The following ACTN1 variants were observed in gnomAD, a reference collection of about 807,000 sequenced individuals.
ACTN1 encodes the protein actinin alpha 1.
A neutral mutation model predicts 119.6 loss-of-function variants in ACTN1; 30 were observed. The ratio of observed to expected loss-of-function variants is 0.25; its 90% CI spans 0.19 to 0.34. The LOEUF (loss-of-function observed/expected upper bound fraction) is 0.34, where lower values mean the gene tolerates loss of function less well. Ranked by LOEUF, ACTN1 falls within the 10% of genes least tolerant of loss-of-function variation. The pLI, the probability that ACTN1 is intolerant of heterozygous loss-of-function variation, is 1.00. For missense variants in ACTN1, 764 were observed against 1,223.4 expected (o/e 0.62, Z 5.60); for synonymous variants, 429 against 472.6 (o/e 0.91, Z 1.20).
Position 68,885,019 on chromosome 14 carries a change from G to A in ACTN1, c.1386-136C>T. ...GGCGCTCCCTTCAAGAGACCTTCCAGGCACTCCTTCCACCCCTCCCCTCTT... is the reference window on the plus strand; with the variant it reads ...GGCGCTCCCTTCAAGAGACCTTCCAAGCACTCCTTCCACCCCTCCCCTCTT... On this transcript the variant is annotated intron_variant, in intron 12 of 21. Coordinates refer to ENST00000394419, the MANE Select transcript of ACTN1 (RefSeq NM_001130004.2). This position sits in a 1 kb window ranked among gnomAD's most constrained non-coding sequence, Gnocchi z 5.6. 4.4e-6 allele frequency: 3 copies of A among 688,196 alleles called. No individual in the cohort carries two copies. The highest frequency in any genetic ancestry group is 3.6e-5 in the South Asian group (2 of 55,966). The allele number at this position is 688,196 out of a possible 1,614,324, so 42.6% of individuals were successfully genotyped here. A position where few individuals can be genotyped will look rare whatever the true frequency, so the allele number is the denominator to read the frequency against.
At chr14:68,894,917 T>C (rs2032763201) in intron 8 of ACTN1, among the ~76,000 whole-genome samples, 1 of 152,088 alleles carries the variant, frequency 6.6e-6, no homozygotes, top group Non-Finnish European at 1.5e-5. Flanking sequence ...GTGCTTAGAA[T>C]TGGAAGGAAT....
chr14:68,965,795 C>T (rs908938936), intron 1 of ACTN1, among the ~76,000 whole-genome samples: 1 of 152,204 alleles, frequency 6.6e-6, no homozygotes, highest in Non-Finnish European at 1.5e-5. Context: ...TTGCATCCTC[C>T]CTAGAGGGTG....
intron 1 of ACTN1, among the ~76,000 whole-genome samples, chr14:68,951,055 G>A (rs2036147042): frequency 6.6e-6 from 1 of 152,166 alleles, no homozygotes; most frequent in African/African-American, 2.4e-5. Context: ...AAGAAGCGAC[G>A]AAGGCAGACG....
chr14:68,960,292 C>G (rs775672909), intron 1 of ACTN1, among the ~76,000 whole-genome samples: 1 of 152,040 alleles, frequency 6.6e-6, no homozygotes, highest in Admixed American at 6.6e-5. Context: ...GTTCAAGGGT[C>G]GGTTGTATAT....
In ACTN1 at chr14:68,964,958, A is replaced by G. The variant is rs1300043465; in HGVS notation, c.105+13994T>C. Among the ~76,000 whole-genome samples, 7 of 152,268 alleles carry G rather than the reference A, an allele frequency of 4.6e-5. No homozygotes were observed. The Middle Eastern group carries it at 0.01, about 222-fold the overall frequency. Reference sequence around the variant, plus strand: ...AACTTGGCAGGGTGCAGCTGCCTGCATGTGTGAAATTCATCTGAAATTGAC... The same window carrying G: ...AACTTGGCAGGGTGCAGCTGCCTGCGTGTGTGAAATTCATCTGAAATTGAC... On this transcript the variant is annotated intron_variant, in intron 1 of 21. Coordinates refer to ENST00000394419, the MANE Select transcript of ACTN1 (RefSeq NM_001130004.2).
Position 68,882,990 on chromosome 14 carries a change from G to A in ACTN1, c.1701C>T (p.Ala567=), listed in dbSNP as rs370983078. ...ACACCTCATTGTGGATGCCCAGGAT[G>A]GCCAGGCGCTCCTTGTCGGCATCAG... ...TLPDADKERL[A]ILGIHNEVSK... is the part of the protein sequence containing the mutation. Residue 567 remains alanine (A), a synonymous_variant, in exon 15 of 22, where the codon GCC becomes GCT. Transcript: ENST00000394419. The surrounding 1 kb of genome is among the most constrained non-coding windows in gnomAD (Gnocchi z 4.5). The A allele has an allele frequency of 1.9e-6, 3 of 1,614,116 alleles. No individual in the cohort carries two copies. The highest frequency in any genetic ancestry group is 1.7e-6 in the Non-Finnish European group (2 of 1,180,066).
chr14:68,909,497 A>C lies in ACTN1; in HGVS notation c.516-101T>G. On this transcript the variant is annotated intron_variant, in intron 5 of 21. Coordinates refer to ENST00000394419, the MANE Select transcript of ACTN1 (RefSeq NM_001130004.2). This position sits in a 1 kb window ranked among gnomAD's most constrained non-coding sequence, Gnocchi z 4.1. ...CCTCCTAGACACCAGAGAGATGAAC[A>C]CATAGAGCTTTCTGGGGTAGGAGTT... is the stretch of plus-strand genomic sequence containing the variant. 3 of 1,041,410 alleles carry C rather than the reference A, an allele frequency of 2.9e-6. No homozygotes were observed. The highest frequency in any genetic ancestry group is 2.9e-6 in the Non-Finnish European group (2 of 684,514). 64.5% of individuals were successfully genotyped at this position (1,041,410 alleles called of 1,614,324 possible).
intron 16 of ACTN1, among the ~76,000 whole-genome samples, chr14:68,881,632 A>T (rs77158755): frequency 6.6e-6 from 1 of 152,112 alleles, no homozygotes; most frequent in East Asian, 1.9e-4. Flanking sequence ...ACACATACCA[A>T]TGTGAACTCA....
intron 1 of ACTN1, among the ~76,000 whole-genome samples, chr14:68,954,287 T>C (rs1178786483): frequency 2.0e-5 from 3 of 152,160 alleles, no homozygotes; most frequent in Non-Finnish European, 2.9e-5. Flanking sequence ...AGCACTTTTT[T>C]CCCCCAGTTT....
intron 1 of ACTN1, among the ~76,000 whole-genome samples, chr14:68,945,175 AAAGAAAGAAAG>A (rs2035901847): frequency 2.0e-5 from 3 of 148,396 alleles, no homozygotes; most frequent in East Asian, 3.9e-4. Flanking sequence ...AAAAAAAAAA[AAAGAAAGAAAG>A]AAAGAAAGAA....
chr14:68,893,821 C>T, intron 8 of ACTN1, 74 bp from the exon 9 acceptor site: 1 of 1,429,390 alleles, frequency 7.0e-7, no homozygotes, highest in Non-Finnish European at 9.7e-7. Flanking sequence ...CCTGTGCTGA[C>T]AAAGCCCCTC....
intron 1 of ACTN1, among the ~76,000 whole-genome samples, chr14:68,948,064 C>T (rs938855261): frequency 2.6e-5 from 4 of 152,218 alleles, no homozygotes; most frequent in African/African-American, 9.6e-5. Flanking sequence ...TGCCACCCAA[C>T]CAGACAACCT....
chr14:68,960,395 G>A (rs1376354658), intron 1 of ACTN1, among the ~76,000 whole-genome samples: 1 of 152,156 alleles, frequency 6.6e-6, no homozygotes, highest in African/African-American at 2.4e-5. Flanking sequence ...GGTGATGGAT[G>A]TGTTAATTAA....
chr14:68,918,571 T>C (rs1002746299), intron 3 of ACTN1, among the ~76,000 whole-genome samples: 23 of 138,768 alleles, frequency 1.7e-4, no homozygotes, highest in African/African-American at 6.0e-4. Context: ...GGCGACAGAG[T>C]GAGACTCCGT....
rs899178233 is a variant in ACTN1 at position 68,874,295 on chromosome 14, A to C, written c.*564T>G. The C allele has an allele frequency of 6.6e-6, 1 of 152,358 alleles. No homozygotes were observed. Among genetic ancestry groups the C allele is most frequent in the African/African-American group, 2.4e-5 (1 of 41,438 alleles). The allele number at this position is 152,358 out of a possible 1,614,324, so 9.4% of individuals were successfully genotyped here. A position where few individuals can be genotyped will look rare whatever the true frequency, so the allele number is the denominator to read the frequency against. On this transcript the variant is annotated 3_prime_UTR_variant, in exon 22 of 22. Transcript: ENST00000394419. The stretch of plus-strand genomic sequence containing the variant: ...GGATTTAAAAATGAGAAGCCACATA[A>C]ATTCTCTTCCTTAAAAAACAGCCAT...
chr14:68,890,795 C>T (rs998993855), intron 10 of ACTN1, among the ~76,000 whole-genome samples: 2 of 152,200 alleles, frequency 1.3e-5, no homozygotes, highest in South Asian at 2.1e-4. Context: ...CTGGGTGAGC[C>T]GGCCAGAATT....
chr14:68,963,184 C>G (rs542787957), intron 1 of ACTN1, among the ~76,000 whole-genome samples: 1 of 152,320 alleles, frequency 6.6e-6, no homozygotes, highest in South Asian at 2.1e-4. Context: ...CACATGATCA[C>G]CTCCTCCAGG....
rs770731844 is a variant in ACTN1, at chr14:68,978,942, G to T, written c.105+10C>A. 3 of 1,442,860 alleles carry T rather than the reference G, an allele frequency of 2.1e-6. No homozygotes were observed. The highest frequency in any genetic ancestry group is 2.9e-6 in the Non-Finnish European group (3 of 1,046,016). The allele number at this position is 1,442,860 out of a possible 1,614,324, so 89.4% of individuals were successfully genotyped here. A position where few individuals can be genotyped will look rare whatever the true frequency, so the allele number is the denominator to read the frequency against. ...GCTGGGGGCTGCAGCGGGCGGGGGC[G>T]GCTGCTAACCTTTCTCTGCTGCTTC... On this transcript the variant is annotated intron_variant, in intron 1 of 21. Transcript: ENST00000394419.
chr14:68,943,852 T>G (rs2035844896), intron 1 of ACTN1, among the ~76,000 whole-genome samples: 1 of 152,212 alleles, frequency 6.6e-6, no homozygotes, highest in African/African-American at 2.4e-5. Context: ...AGGTGTGAAC[T>G]AGGTCGGTCA....
Sources: allele counts gnomAD v4.1 joint callset (sites outside exome capture counted in the v4.1 genomes callset), GRCh38; gene constraint gnomAD v4.1.1; non-coding constraint Gnocchi (gnomAD v3.1); transcripts MANE v1.5; gene names NCBI Gene and HGNC (gene_info 2026-07-23, HGNC 2026-07-21).